Variants in TMCO5A observed in about 807,000 individuals in gnomAD.
TMCO5A encodes transmembrane and coiled-coil domain-containing protein 5A.
A neutral mutation model predicts 42.3 loss-of-function variants in TMCO5A; 34 were observed. That is an observed-to-expected ratio of 0.80 (90% CI 0.61 to 1.07). The LOEUF is 1.07. Ranked by LOEUF, TMCO5A falls within the 50% of genes least tolerant of loss-of-function variation. The pLI, the probability that TMCO5A is intolerant of heterozygous loss-of-function variation, is 0.00. For missense variants in TMCO5A, 357 were observed against 327.9 expected (o/e 1.09, Z -0.69); for synonymous variants, 131 against 115.6 (o/e 1.13, Z -0.86).
chr15:37,966,648 A>C (rs760456457), exon 12 of TMCO5A: 2 of 702,926 alleles, frequency 2.8e-6, no homozygotes, highest in South Asian at 3.0e-5. Flanking sequence ...TTTTAGTGGC[A>C]AGATGGCTGC....
chr15:37,961,489 T>C (rs1394360073), intron 11 of TMCO5A, among the ~76,000 whole-genome samples: 1 of 152,170 alleles, frequency 6.6e-6, no homozygotes, highest in Non-Finnish European at 1.5e-5. Flanking sequence ...CCTCCAGATT[T>C]GTTCTTTTTG....
chr15:38,020,385 A>C, the TMCO5A span: 1 of 152,208 alleles, frequency 6.6e-6, no homozygotes, highest in African/African-American at 2.4e-5. Flanking sequence ...CCCTTGGAAG[A>C]AAATATATGG....
At chr15:38,011,712 G>A in the TMCO5A span, among the ~76,000 whole-genome samples, 7 of 152,094 alleles carry the variant, frequency 4.6e-5, no homozygotes. Flanking sequence ...CCAAAATTCA[G>A]ACTTTAAAAT....
chr15:37,953,701 C>A (rs975700187), downstream of TMCO5A, among the ~76,000 whole-genome samples: 2 of 152,006 alleles, frequency 1.3e-5, no homozygotes, highest in African/African-American at 2.4e-5. Context: ...GAAAACATGA[C>A]CTCACCAAAC....
At chr15:37,981,615 C>T in the TMCO5A span, among the ~76,000 whole-genome samples, 4 of 152,236 alleles carry the variant, frequency 2.6e-5, no homozygotes, top group East Asian at 7.7e-4. Flanking sequence ...CCCAGGAGTT[C>T]AAGGCTAGCC....
intron 10 of TMCO5A, among the ~76,000 whole-genome samples, chr15:37,944,829 C>T (rs1889879087): frequency 6.6e-6 from 1 of 152,042 alleles, no homozygotes. Flanking sequence ...ACCAGAATGC[C>T]ACAGAAATAC....
chr15:37,955,019 G>A (rs1890250846), downstream of TMCO5A, among the ~76,000 whole-genome samples: 1 of 151,536 alleles, frequency 6.6e-6, no homozygotes, highest in South Asian at 2.1e-4. Context: ...AGGAAGACAG[G>A]AAGAAAAGAA....
the TMCO5A span, among the ~76,000 whole-genome samples, chr15:38,032,929 T>C: frequency 2.0e-5 from 3 of 146,358 alleles, no homozygotes; most frequent in South Asian, 4.3e-4. Flanking sequence ...TTGGTCTCTT[T>C]TTTTTTTTTT....
chr15:37,968,474 C>A (rs1890608079), downstream of TMCO5A, among the ~76,000 whole-genome samples: 1 of 152,088 alleles, frequency 6.6e-6, no homozygotes, highest in South Asian at 2.1e-4. Flanking sequence ...AGAAACAGTT[C>A]ACTAAAAGCC....
the TMCO5A span, among the ~76,000 whole-genome samples, chr15:38,032,924 CTCT>C: frequency 7.9e-6 from 1 of 126,042 alleles, no homozygotes; most frequent in African/African-American, 3.0e-5. Context: ...GAAATTTGGT[CTCT>C]TTTTTTTTTT....
the TMCO5A span, among the ~76,000 whole-genome samples, chr15:38,031,215 ATGTCT>A: frequency 6.6e-6 from 1 of 152,076 alleles, no homozygotes; most frequent in African/African-American, 2.4e-5. Flanking sequence ...AAATCCTTCC[ATGTCT>A]TCTCCCTAAT....
At chr15:38,012,673 A>G in the TMCO5A span, among the ~76,000 whole-genome samples, 1 of 152,176 alleles carries the variant, frequency 6.6e-6, no homozygotes, top group Non-Finnish European at 1.5e-5. Context: ...AACAAAAATG[A>G]TATCTAAAAG....
rs780679238 is a variant in TMCO5A at position 37,937,364 on chromosome 15, T to C, written c.283T>C (p.Leu95=). 1 of 1,613,104 alleles carries C rather than the reference T, an allele frequency of 6.2e-7. No homozygotes were observed. Among genetic ancestry groups the C allele is most frequent in the South Asian group, 1.1e-5 (1 of 91,070 alleles). The change falls in exon 5 of 12, where the codon TTG becomes CTG. Residue 95 remains leucine (L), a synonymous_variant. Coordinates refer to ENST00000319669, the MANE Select transcript of TMCO5A (RefSeq NM_152453.4). ...CTCACAGGAAAGGAAGAATAAGACG[T>C]TGGTCCACAGTATAACAGAACTTCA... ...TARLERKNKT[L]VHSITELQQK... is the part of the protein sequence containing the mutation.
rs1439653585 is a variant in TMCO5A at position 37,966,623 on chromosome 15, A to T, written c.669-2A>T. On this transcript the variant is annotated splice_acceptor_variant, in intron 11 of 11. Coordinates refer to the TMCO5A transcript ENST00000559502. LOFTEE classifies it high-confidence loss of function. The stretch of plus-strand genomic sequence containing the variant: ...CATCATTTCTTTTTCTTCTCTCTTC[A>T]GATGGGCCTCCTCCTTTTAGTGGCA... The T allele has an allele frequency of 1.4e-6, 1 of 702,996 alleles. No individual in the cohort carries two copies. Among genetic ancestry groups the T allele is most frequent in the South Asian group, 1.5e-5 (1 of 67,604 alleles). 43.5% of individuals were successfully genotyped at this position (702,996 alleles called of 1,614,324 possible).
At position 37,941,301 on chromosome 15, in the gene TMCO5A, G is replaced by C. The variant is rs78405954; in HGVS notation, c.444+96G>C. On this transcript the variant is annotated intron_variant, in intron 7 of 11. Coordinates refer to ENST00000319669, the MANE Select transcript of TMCO5A (RefSeq NM_152453.4). ...TCTCAAGTGATTGATTTACATTAAG[G>C]TTCCAGATCCAAGACCATGATGGGG... 1,378 of 1,281,266 alleles carry C rather than the reference G, an allele frequency of 1.1e-3. 18 individuals are homozygous for C. The African/African-American group carries it at 0.018, about 17-fold the overall frequency. 79.4% of individuals were successfully genotyped at this position (1,281,266 alleles called of 1,614,324 possible).
At chr15:37,983,472 T>C in the TMCO5A span, among the ~76,000 whole-genome samples, 2 of 152,178 alleles carry the variant, frequency 1.3e-5, no homozygotes, top group African/African-American at 2.4e-5. Context: ...GCCAGGGAGA[T>C]GTTGGGGCAC....
chr15:37,993,148 T>G, the TMCO5A span, among the ~76,000 whole-genome samples: 1 of 152,166 alleles, frequency 6.6e-6, no homozygotes, highest in African/African-American at 2.4e-5. Context: ...TTTCTAGATC[T>G]TTTAAGTCCT....
At chr15:37,955,735 C>G (rs1890271157), downstream of TMCO5A, among the ~76,000 whole-genome samples, 3 of 152,040 alleles carry the variant, frequency 2.0e-5, no homozygotes, top group South Asian at 6.2e-4. Context: ...CAGCTCTGGA[C>G]CAAGCAGATC....
chr15:38,023,352 G>A, the TMCO5A span, among the ~76,000 whole-genome samples: 1 of 152,142 alleles, frequency 6.6e-6, no homozygotes, highest in Non-Finnish European at 1.5e-5. Flanking sequence ...AGCCCTGGGG[G>A]CTCTAACAGG....
Sources: allele counts gnomAD v4.1 joint callset (sites outside exome capture counted in the v4.1 genomes callset), GRCh38; gene constraint gnomAD v4.1.1; transcripts MANE v1.5; gene names NCBI Gene and HGNC (gene_info 2026-07-23, HGNC 2026-07-21).